The following CNTNAP2 variants were observed in gnomAD, a reference collection of about 807,000 sequenced individuals.
CNTNAP2 encodes the protein contactin associated protein 2.
In CNTNAP2, 98 loss-of-function variants were observed where a neutral mutation model predicts 155.2. That is an observed-to-expected ratio of 0.63 (90% CI 0.54 to 0.75). The LOEUF (loss-of-function observed/expected upper bound fraction) is 0.75. CNTNAP2 is among the 30% of genes least tolerant of loss of function. The pLI is 0.00. For missense variants in CNTNAP2, 1,727 were observed against 1,688.1 expected (o/e 1.02, Z -0.40); for synonymous variants, 651 against 631.2 (o/e 1.03, Z -0.47).
intron 20 of CNTNAP2, among the ~76,000 whole-genome samples, chr7:148,236,084 T>C (rs1162714567): frequency 6.6e-6 from 1 of 152,204 alleles, no homozygotes; most frequent in African/African-American, 2.4e-5. Flanking sequence ...GTGCTTTCTT[T>C]TCCAATACAA....
chr7:147,686,397 A>G (rs1796018294), intron 13 of CNTNAP2, among the ~76,000 whole-genome samples: 1 of 152,090 alleles, frequency 6.6e-6, no homozygotes, highest in Non-Finnish European at 1.5e-5. Flanking sequence ...AATTCAAAAT[A>G]AATATCCAAG....
At chr7:147,871,631 T>G (rs1799328340) in intron 13 of CNTNAP2, among the ~76,000 whole-genome samples, 1 of 151,616 alleles carries the variant, frequency 6.6e-6, no homozygotes. Context: ...TACAATTTCT[T>G]TATCCACCCA....
At chr7:147,858,823 C>T (rs1011841755) in intron 13 of CNTNAP2, among the ~76,000 whole-genome samples, 1 of 152,146 alleles carries the variant, frequency 6.6e-6, no homozygotes, top group African/African-American at 2.4e-5. Context: ...AATATTCTCC[C>T]CTAGAGACTT....
chr7:146,442,931 G>A (rs1489333655), intron 1 of CNTNAP2, among the ~76,000 whole-genome samples: 1 of 152,122 alleles, frequency 6.6e-6, no homozygotes, highest in Non-Finnish European at 1.5e-5. Flanking sequence ...CATGGGCCGG[G>A]CGCGGTGGCT....
chr7:146,348,811 G>GATTATATATAATATATGTTATAT (rs1474549409), intron 1 of CNTNAP2, among the ~76,000 whole-genome samples: 3 of 148,264 alleles, frequency 2.0e-5, no homozygotes, highest in South Asian at 2.1e-4. Context: ...TTGTTCTCAT[G>GATTATATATAATATATGTTATAT]ATTATATATA....
chr7:146,196,562 A>G (rs969850206), intron 1 of CNTNAP2, among the ~76,000 whole-genome samples: 2 of 151,122 alleles, frequency 1.3e-5, no homozygotes, highest in African/African-American at 4.9e-5. Context: ...GGAGGGAGGG[A>G]GGGAGAGAGA....
chr7:146,625,605 T>C (rs927442963), intron 1 of CNTNAP2, among the ~76,000 whole-genome samples: 1 of 151,992 alleles, frequency 6.6e-6, no homozygotes, highest in African/African-American at 2.4e-5. Context: ...TTCTTCTTAA[T>C]AAAAGACGCA....
At chr7:146,496,844 T>G (rs1316581769) in intron 1 of CNTNAP2, among the ~76,000 whole-genome samples, 2 of 152,220 alleles carry the variant, frequency 1.3e-5, no homozygotes, top group Non-Finnish European at 2.9e-5. Flanking sequence ...TCTTTAATTT[T>G]GTCACATCCT....
chr7:146,982,306 A>G (rs1431485917), intron 3 of CNTNAP2, among the ~76,000 whole-genome samples: 6 of 152,240 alleles, frequency 3.9e-5, no homozygotes, highest in African/African-American at 1.4e-4. Flanking sequence ...TCTTTTAAAA[A>G]TATATAATAT....
At position 146,851,648 on chromosome 7, in the gene CNTNAP2, TTCTG is replaced by T. The variant is rs1197032420; in HGVS notation, c.402+11746_402+11749del. On this transcript the variant is annotated intron_variant, in intron 3 of 23. Transcript: ENST00000361727. ...CCTGTGTTGCTTTATATCATCTTTC[TTCTG>T]TGTGTGTGTGTGTGTGTGTGTGTGT... Among the ~76,000 whole-genome samples the T allele has an allele frequency of 6.7e-5, 9 of 134,008 alleles. No homozygotes were observed. In the East Asian group the frequency reaches 1.7e-3, roughly 25 times the overall value. The allele number at this position is 134,008 out of a possible 152,430, so 87.9% of individuals were successfully genotyped here. A position where few individuals can be genotyped will look rare whatever the true frequency, so the allele number is the denominator to read the frequency against.
intron 13 of CNTNAP2, among the ~76,000 whole-genome samples, chr7:147,801,474 T>TC (rs1797984326): frequency 6.6e-6 from 1 of 151,912 alleles, no homozygotes; most frequent in Non-Finnish European, 1.5e-5. Context: ...CCTGCGGCCT[T>TC]CCGCAGTGTT....
At chr7:147,935,758 T>G (rs1386143461) in intron 14 of CNTNAP2, among the ~76,000 whole-genome samples, 1 of 152,148 alleles carries the variant, frequency 6.6e-6, no homozygotes, top group Non-Finnish European at 1.5e-5. Flanking sequence ...AATATTATCT[T>G]TCATTTATAT....
At chr7:147,648,704 C>A (rs1795405829) in intron 13 of CNTNAP2, among the ~76,000 whole-genome samples, 1 of 152,086 alleles carries the variant, frequency 6.6e-6, no homozygotes, top group African/African-American at 2.4e-5. Context: ...AAGACCTGCC[C>A]CCGTGATTCA....
chr7:147,812,619 T>C (rs1223100490), intron 13 of CNTNAP2, among the ~76,000 whole-genome samples: 1 of 151,950 alleles, frequency 6.6e-6, no homozygotes, highest in African/African-American at 2.4e-5. Context: ...ATCCTGCCAC[T>C]CTGGCACCAT....
At chr7:147,246,307 C>G (rs553972385) in intron 8 of CNTNAP2, among the ~76,000 whole-genome samples, 1 of 152,196 alleles carries the variant, frequency 6.6e-6, no homozygotes, top group African/African-American at 2.4e-5. Flanking sequence ...TGGTTCTGTT[C>G]AGGCCTTCAG....
At chr7:147,883,574 T>C (rs1799557212) in intron 13 of CNTNAP2, among the ~76,000 whole-genome samples, 1 of 152,184 alleles carries the variant, frequency 6.6e-6, no homozygotes, top group Non-Finnish European at 1.5e-5. Context: ...ACCTTTTACA[T>C]AGAAAAATTG....
At chr7:147,954,909 G>T in intron 14 of CNTNAP2, among the ~76,000 whole-genome samples, 1 of 152,198 alleles carries the variant, frequency 6.6e-6, no homozygotes, top group East Asian at 1.9e-4. Context: ...ACTATGAAGA[G>T]ATCTCTCTGA....
chr7:147,054,199 C>T (rs1799519996), intron 4 of CNTNAP2, among the ~76,000 whole-genome samples: 1 of 152,094 alleles, frequency 6.6e-6, no homozygotes, highest in South Asian at 2.1e-4. Flanking sequence ...ATGCTTTGGC[C>T]TATCAATTAT....
At chr7:146,504,861 G>A (rs148984241) in intron 1 of CNTNAP2, among the ~76,000 whole-genome samples, 3 of 152,212 alleles carry the variant, frequency 2.0e-5, no homozygotes, top group Non-Finnish European at 2.9e-5. Context: ...AGTCCTCTGG[G>A]GCCCAGCCTT....
Sources: gnomAD v4.1 joint callset for allele counts (sites outside exome capture counted in the v4.1 genomes callset) on GRCh38, gnomAD v4.1.1 for gene constraint, MANE v1.5 for transcripts, NCBI Gene and HGNC (gene_info 2026-07-23, HGNC 2026-07-21) for gene names.